Variants in PTN observed in about 807,000 individuals in gnomAD.
PTN encodes heparin affin regulatory protein.
In PTN, 18 loss-of-function variants were observed where a neutral mutation model predicts 24.1. The observed-to-expected ratio is 0.75, with a 90% CI of 0.52 to 1.11. The LOEUF (loss-of-function observed/expected upper bound fraction) is 1.11, where lower values mean the gene tolerates loss of function less well. Ranked by LOEUF, PTN falls within the 50% of genes least tolerant of loss-of-function variation. The pLI, the probability that PTN is intolerant of heterozygous loss-of-function variation, is 0.00. For missense variants in PTN, 163 were observed against 198.8 expected, an observed-to-expected ratio of 0.82 and a Z score of 1.08; for synonymous variants, 78 against 68.6, an observed-to-expected ratio of 1.14 and a Z score of -0.67.
At chr7:137,314,774 T>C (rs763100602) in intron 1 of PTN, among the ~76,000 whole-genome samples, 31 of 151,930 alleles carry the variant, frequency 2.0e-4, no homozygotes, top group Non-Finnish European at 4.1e-4. Flanking sequence ...TTTGTATTTT[T>C]AGTATAGACG....
intron 1 of PTN, among the ~76,000 whole-genome samples, chr7:137,272,888 G>A (rs1480035451): frequency 2.0e-5 from 3 of 152,198 alleles, no homozygotes; most frequent in Non-Finnish European, 4.4e-5. Flanking sequence ...ATTCTCATCT[G>A]AGAAAAACTA....
chr7:137,334,023 C>A (rs1367734419), intron 1 of PTN, among the ~76,000 whole-genome samples: 2 of 152,162 alleles, frequency 1.3e-5, no homozygotes, highest in African/African-American at 4.8e-5. Context: ...CTTCCTTACA[C>A]CTCATACAAA....
intron 4 of PTN, among the ~76,000 whole-genome samples, chr7:137,232,738 C>T (rs1016382554): frequency 2.6e-5 from 4 of 151,820 alleles, no homozygotes; most frequent in African/African-American, 9.7e-5. Context: ...AATTGTAATC[C>T]CCATAATCCC....
intron 1 of PTN, among the ~76,000 whole-genome samples, chr7:137,335,458 G>A (rs1242263538): frequency 6.6e-6 from 1 of 152,192 alleles, no homozygotes; most frequent in Non-Finnish European, 1.5e-5. Context: ...TCACAAAGAT[G>A]TAAGTTTTAG....
intron 1 of PTN, among the ~76,000 whole-genome samples, chr7:137,314,861 G>A (rs563521128): frequency 6.6e-6 from 1 of 152,204 alleles, no homozygotes; most frequent in South Asian, 2.1e-4. Flanking sequence ...CCAAAGTGCT[G>A]GGATTACAGG....
At chr7:137,245,508 C>G (rs1451450698) in intron 4 of PTN, among the ~76,000 whole-genome samples, 1 of 152,012 alleles carries the variant, frequency 6.6e-6, no homozygotes, top group East Asian at 1.9e-4. Flanking sequence ...TATGTATAGT[C>G]ATAATACTTG....
intron 1 of PTN, among the ~76,000 whole-genome samples, chr7:137,300,388 G>T (rs1809787185): frequency 6.6e-6 from 1 of 151,918 alleles, no homozygotes; most frequent in African/African-American, 2.4e-5. Context: ...CAGCCCAGGT[G>T]CTAGGGACCA....
chr7:137,271,826 T>C (rs959545539), intron 1 of PTN, among the ~76,000 whole-genome samples: 1 of 152,218 alleles, frequency 6.6e-6, no homozygotes, highest in African/African-American at 2.4e-5. Flanking sequence ...AAGCAATACA[T>C]TTACTTTCTC....
At chr7:137,278,979 AAT>A (rs1294970299) in intron 1 of PTN, among the ~76,000 whole-genome samples, 57 of 147,668 alleles carry the variant, frequency 3.9e-4, no homozygotes, top group Admixed American at 1.0e-3. Flanking sequence ...TAATAATAAT[AAT>A]AAAATAAAGA....
At chr7:137,319,574 TA>T (rs1810129784) in intron 1 of PTN, among the ~76,000 whole-genome samples, 1 of 152,190 alleles carries the variant, frequency 6.6e-6, no homozygotes, top group Non-Finnish European at 1.5e-5. Flanking sequence ...GCTTCCTCTA[TA>T]GTCATTGAAA....
chr7:137,251,431 T>G, intron 3 of PTN, 40 bp from the exon 4 acceptor site: 1 of 1,594,570 alleles, frequency 6.3e-7, no homozygotes, highest in Non-Finnish European at 8.6e-7. Flanking sequence ...CCTTGAAAGA[T>G]CCTATCGTAC....
intron 3 of PTN, among the ~76,000 whole-genome samples, chr7:137,252,717 T>C (rs17169003): frequency 0.019 from 2,956 of 151,972 alleles, 194 homozygotes; most frequent in African/African-American, 0.069. Flanking sequence ...TCAGGCATCA[T>C]GTCCCACTAT....
chr7:137,298,529 G>A (rs1809755396), intron 1 of PTN, among the ~76,000 whole-genome samples: 1 of 151,844 alleles, frequency 6.6e-6, no homozygotes, highest in Middle Eastern at 3.2e-3. Flanking sequence ...GCTAGTCACT[G>A]AGACACAGTG....
At chr7:137,240,465 AT>A (rs1808609705) in intron 4 of PTN, among the ~76,000 whole-genome samples, 1 of 152,212 alleles carries the variant, frequency 6.6e-6, no homozygotes, top group Admixed American at 6.5e-5. Flanking sequence ...AAGGTCATTA[AT>A]TTATCCCTGG....
intron 4 of PTN, among the ~76,000 whole-genome samples, chr7:137,235,662 G>T (rs1340336950): frequency 2.6e-5 from 4 of 151,892 alleles, no homozygotes; most frequent in African/African-American, 9.7e-5. Context: ...TTACTTCTAC[G>T]ATATGTGTGG....
At chr7:137,256,903 A>G (rs1370619988) in intron 1 of PTN, among the ~76,000 whole-genome samples, 2 of 152,174 alleles carry the variant, frequency 1.3e-5, no homozygotes, top group Admixed American at 6.5e-5. Flanking sequence ...AACAAATATG[A>G]AAAAAAGCTC....
chr7:137,316,624 C>G (rs563766096), intron 1 of PTN, among the ~76,000 whole-genome samples: 3 of 152,088 alleles, frequency 2.0e-5, no homozygotes, highest in Non-Finnish European at 4.4e-5. Context: ...AGCAGAGGAT[C>G]GAGCCGTCCC....
chr7:137,320,499 T>G (rs1810145963), intron 1 of PTN, among the ~76,000 whole-genome samples: 1 of 152,206 alleles, frequency 6.6e-6, no homozygotes, highest in South Asian at 2.1e-4. Flanking sequence ...ATGCAGTGAC[T>G]TGCATTTATT....
At chr7:137,335,559 T>C (rs1810433097) in intron 1 of PTN, among the ~76,000 whole-genome samples, 1 of 152,210 alleles carries the variant, frequency 6.6e-6, no homozygotes. Flanking sequence ...TTGTCTCCTG[T>C]TCCCTCAAGT....
Sources: allele counts gnomAD v4.1 joint callset (sites outside exome capture counted in the v4.1 genomes callset), GRCh38; gene constraint gnomAD v4.1.1; transcripts MANE v1.5; gene names NCBI Gene and HGNC (gene_info 2026-07-23, HGNC 2026-07-21).